Variants in KLHL1 observed in about 807,000 individuals in gnomAD.
The protein encoded by KLHL1 is kelch like family member 1.
In KLHL1, 47 loss-of-function variants were observed where a neutral mutation model predicts 77.7. The observed-to-expected ratio is 0.60, with a 90% CI of 0.48 to 0.77. The LOEUF (loss-of-function observed/expected upper bound fraction) is 0.77. Among genes scored for constraint, KLHL1 ranks in the 30% least tolerant of loss-of-function variants. KLHL1 has a pLI of 0.00. For synonymous variants in KLHL1, 360 were observed against 325.2 expected, an observed-to-expected ratio of 1.11 and a Z score of -1.15; for missense variants, 925 against 910.8, an observed-to-expected ratio of 1.02 and a Z score of -0.20.
chr13:69,849,900 A>AAT (rs1190032473), intron 5 of KLHL1, among the ~76,000 whole-genome samples: 1 of 151,506 alleles, frequency 6.6e-6, no homozygotes, highest in Admixed American at 6.6e-5. Context: ...CATAAGCAGA[A>AAT]ATATGTTCAA....
intron 1 of KLHL1, among the ~76,000 whole-genome samples, chr13:70,046,392 A>G (rs1039286688): frequency 6.6e-6 from 1 of 152,206 alleles, no homozygotes; most frequent in Non-Finnish European, 1.5e-5. Flanking sequence ...GATCAATCAA[A>G]GGCTAAAATC....
At chr13:69,893,006 C>T (rs1224533529) in intron 4 of KLHL1, among the ~76,000 whole-genome samples, 3 of 152,092 alleles carry the variant, frequency 2.0e-5, no homozygotes, top group Non-Finnish European at 4.4e-5. Context: ...TTACAACCAA[C>T]ATTTAAAAAT....
At chr13:69,747,132 G>A (rs1297067052) in intron 7 of KLHL1, among the ~76,000 whole-genome samples, 1 of 151,982 alleles carries the variant, frequency 6.6e-6, no homozygotes, top group Non-Finnish European at 1.5e-5. Flanking sequence ...GGCTTCCTTA[G>A]TTTCTCTCTG....
intron 3 of KLHL1, among the ~76,000 whole-genome samples, chr13:69,953,008 A>G (rs1390524535): frequency 6.6e-6 from 1 of 151,346 alleles, no homozygotes; most frequent in Non-Finnish European, 1.5e-5. Context: ...ACATTTAGGA[A>G]ATTGGTGCTT....
rs776000997 is a variant in KLHL1 at position 69,900,605 on chromosome 13, AG to A, written c.1015-18111del. Among the ~76,000 whole-genome samples the A allele has an allele frequency of 6.2e-4, 94 of 152,194 alleles. 1 individual carries two copies. Among genetic ancestry groups the A allele is most frequent in the Non-Finnish European group, 1.1e-3 (77 of 68,036 alleles). On this transcript the variant is annotated intron_variant, in intron 4 of 10. Transcript: ENST00000377844. ...CACTTTTGCTGGTAGACACAGTAAA[AG>A]TTTTACTGCACTAGGATCCAGAATA...
intron 7 of KLHL1, among the ~76,000 whole-genome samples, chr13:69,790,415 T>G (rs898517392): frequency 7.2e-5 from 11 of 152,080 alleles, no homozygotes; most frequent in Admixed American, 4.6e-4. Flanking sequence ...TCCACAAAAC[T>G]GAATATGAGA....
At chr13:69,918,304 T>C (rs2138258717) in intron 4 of KLHL1, among the ~76,000 whole-genome samples, 1 of 152,070 alleles carries the variant, frequency 6.6e-6, no homozygotes, top group South Asian at 2.1e-4. Flanking sequence ...TGCCATATTT[T>C]AATTAGTTGA....
At chr13:69,729,730 A>C (rs1476368230) in intron 8 of KLHL1, among the ~76,000 whole-genome samples, 1 of 152,148 alleles carries the variant, frequency 6.6e-6, no homozygotes, top group African/African-American at 2.4e-5. Context: ...GAGAAGAAAA[A>C]GATGCCAAGT....
intron 5 of KLHL1, among the ~76,000 whole-genome samples, chr13:69,864,557 A>G (rs1192071725): frequency 1.3e-5 from 2 of 152,106 alleles, no homozygotes; most frequent in Non-Finnish European, 2.9e-5. Context: ...TATTTTATAT[A>G]GCACCATATA....
At chr13:69,816,249 T>C (rs1276238661) in intron 6 of KLHL1, among the ~76,000 whole-genome samples, 1 of 151,402 alleles carries the variant, frequency 6.6e-6, no homozygotes, top group Non-Finnish European at 1.5e-5. Context: ...ATTTAGAGAA[T>C]GGAAAATTTT....
chr13:69,848,042 G>T (rs1467574472), intron 5 of KLHL1, among the ~76,000 whole-genome samples: 1 of 151,552 alleles, frequency 6.6e-6, no homozygotes, highest in South Asian at 2.1e-4. Flanking sequence ...TATTTAAGGT[G>T]CTGGTGAAAG....
intron 1 of KLHL1, among the ~76,000 whole-genome samples, chr13:69,993,897 T>C (rs868169369): frequency 5.3e-5 from 8 of 152,142 alleles, no homozygotes; most frequent in African/African-American, 1.7e-4. Flanking sequence ...GTTTGAGAAA[T>C]ATAGAGATCA....
At chr13:69,951,113 A>T (rs1883694291) in intron 3 of KLHL1, among the ~76,000 whole-genome samples, 1 of 151,632 alleles carries the variant, frequency 6.6e-6, no homozygotes, top group Non-Finnish European at 1.5e-5. Context: ...ACTGAGAAGA[A>T]AAACTAATTG....
chr13:70,075,540 C>CATAT (rs35414727), intron 1 of KLHL1, among the ~76,000 whole-genome samples: 1 of 107,706 alleles, frequency 9.3e-6, no homozygotes, highest in African/African-American at 3.5e-5. Flanking sequence ...ATATTGCATA[C>CATAT]ATATATATAT....
At chr13:69,818,966 C>T (rs949003278) in intron 6 of KLHL1, among the ~76,000 whole-genome samples, 4 of 152,142 alleles carry the variant, frequency 2.6e-5, no homozygotes, top group Admixed American at 6.6e-5. Flanking sequence ...TAATTGCAAA[C>T]GGTCAGGTTT....
At position 69,856,932 on chromosome 13, in the gene KLHL1, T is replaced by C. The variant is rs1392614294; in HGVS notation, c.1228-17770A>G. ...GCTGTCTAAGGCCAGTCACTTCTCT[T>C]AGCATTTGATATAATGACCTAACTT... On this transcript the variant is annotated intron_variant, in intron 5 of 10. Transcript: ENST00000377844. Among the ~76,000 whole-genome samples, 3 of 152,008 alleles carry C rather than the reference T, an allele frequency of 2.0e-5. No homozygotes were observed. In the East Asian group the frequency reaches 5.8e-4, roughly 30 times the overall value.
intron 1 of KLHL1, among the ~76,000 whole-genome samples, chr13:70,086,520 C>G (rs1887539686): frequency 7.7e-6 from 1 of 130,686 alleles, no homozygotes; most frequent in Non-Finnish European, 1.5e-5. Context: ...TTGTATTGAA[C>G]CAAGATCCTG....
At chr13:70,058,806 A>T (rs1193130950) in intron 1 of KLHL1, among the ~76,000 whole-genome samples, 1 of 152,214 alleles carries the variant, frequency 6.6e-6, no homozygotes, top group African/African-American at 2.4e-5. Context: ...CCTGATTTCA[A>T]ATTACACTAC....
In KLHL1 at chr13:69,719,591, C is replaced by A; in HGVS notation, c.1803-10G>T. 6.2e-7 allele frequency: 1 copy of A among 1,601,456 alleles called. No individual in the cohort carries two copies. Among genetic ancestry groups the A allele is most frequent in the Admixed American group, 1.7e-5 (1 of 59,196 alleles). On this transcript the variant is annotated splice_polypyrimidine_tract_variant and intron_variant, in intron 8 of 10. Coordinates refer to ENST00000377844, the MANE Select transcript of KLHL1 (RefSeq NM_020866.3). ...TCCAACTGAATACAACCTAAAAACA[C>A]AATTGGAAAAATGTGATTTAATATC... is the stretch of plus-strand genomic sequence containing the variant.
Sources: allele counts gnomAD v4.1 joint callset (sites outside exome capture counted in the v4.1 genomes callset), GRCh38; gene constraint gnomAD v4.1.1; transcripts MANE v1.5; gene names NCBI Gene and HGNC (gene_info 2026-07-23, HGNC 2026-07-21).